Variants in LIPM observed in about 807,000 individuals in gnomAD.
The protein encoded by LIPM is lipase family member M, also known as lipase member M.
A neutral mutation model predicts 42.4 loss-of-function variants in LIPM; 42 were observed. That is an observed-to-expected ratio of 0.99 (90% confidence interval 0.77 to 1.28). The LOEUF is 1.28. Among genes scored for constraint, LIPM ranks in the 50% most tolerant of loss-of-function variants. The probability of loss-of-function intolerance (pLI) is 0.00; values close to 1 mark genes in which losing one functional copy is unlikely to be tolerated. For synonymous variants in LIPM, 177 were observed against 173.3 expected, an observed-to-expected ratio of 1.02 and a Z score of -0.17; for missense variants, 524 against 520.1, an observed-to-expected ratio of 1.01 and a Z score of -0.07.
intron 1 of LIPM, among the ~76,000 whole-genome samples, chr10:88,804,930 A>G (rs3858283): frequency 0.79 from 120,403 of 152,144 alleles, 48,725 homozygotes; most frequent in East Asian, 1. Flanking sequence ...TTACCGGCTC[A>G]CCCTTGAATT....
At position 88,816,840 on chromosome 10, in the gene LIPM, C is replaced by A. The variant is rs1843724013; in HGVS notation, c.883C>A (p.His295Asn). ...GAGCCGAGCAAGTGTATATGCTGCCCACACTCTTGCTGGAACATCTGTGCA... is the reference window on the plus strand; with the variant it reads ...GAGCCGAGCAAGTGTATATGCTGCCAACACTCTTGCTGGAACATCTGTGCA... Reference protein sequence around the residue: ...NMSRASVYAAHTLAGTSVQNI... With the variant: ...NMSRASVYAANTLAGTSVQNI... Residue 295 changes from histidine (H) to asparagine (N), a missense_variant, in exon 7 of 9, where the codon CAC becomes AAC. His to Asn is a moderately conservative substitution (Grantham distance 68). Transcript: ENST00000404743. 1.9e-6 allele frequency: 3 copies of A among 1,551,262 alleles called. No homozygotes were observed. In the East Asian group the frequency reaches 7.3e-5, roughly 38 times the overall value.
chr10:88,806,702 T>C, intron 1 of LIPM, among the ~76,000 whole-genome samples: 1 of 152,112 alleles, frequency 6.6e-6, no homozygotes, highest in East Asian at 1.9e-4. Flanking sequence ...TTTTTTTTCT[T>C]TGAGATGGAG....
chr10:88,813,906 A>G (rs1393701609), intron 3 of LIPM, among the ~76,000 whole-genome samples: 1 of 152,110 alleles, frequency 6.6e-6, no homozygotes, highest in Admixed American at 6.5e-5. Context: ...AGAACTCACT[A>G]TCACGAGAAC....
At chr10:88,804,713 T>C (rs932141184) in intron 1 of LIPM, among the ~76,000 whole-genome samples, 3 of 152,182 alleles carry the variant, frequency 2.0e-5, no homozygotes, top group Non-Finnish European at 2.9e-5. Context: ...TAGTACCCCT[T>C]TCCATGGCAA....
intron 1 of LIPM, among the ~76,000 whole-genome samples, chr10:88,806,819 G>C (rs1228748678): frequency 1.3e-5 from 2 of 152,064 alleles, no homozygotes; most frequent in Non-Finnish European, 2.9e-5. Context: ...CAAGTAGCTA[G>C]GACTATAGGC....
At chr10:88,808,572 C>A (rs570840989) in intron 2 of LIPM, among the ~76,000 whole-genome samples, 157 bp downstream of exon 2, 1 of 152,164 alleles carries the variant, frequency 6.6e-6, no homozygotes, top group Non-Finnish European at 1.5e-5. Flanking sequence ...GTCTCCATCA[C>A]CACCACCGTG....
At chr10:88,807,574 C>T (rs1005443494) in intron 1 of LIPM, among the ~76,000 whole-genome samples, 1 of 152,122 alleles carries the variant, frequency 6.6e-6, no homozygotes, top group Non-Finnish European at 1.5e-5. Context: ...ACCAGGGGTT[C>T]GTATGTAGGC....
rs1843543269 is a variant in LIPM at position 88,802,790 on chromosome 10, G to A, written c.-107G>A. ...CTAATTTGCTTCAGAATTGGAAGAG[G>A]GAATTGCAGCAGGAAAATATGTGAA... On this transcript the variant is annotated 5_prime_UTR_variant, in exon 1 of 9. Coordinates refer to ENST00000404743, the MANE Select transcript of LIPM (RefSeq NM_001128215.1). 1 of 1,173,262 alleles carries A rather than the reference G, an allele frequency of 8.5e-7. No homozygotes were observed. The highest frequency in any genetic ancestry group is 1.2e-6 in the Non-Finnish European group (1 of 846,722). The allele number at this position is 1,173,262 out of a possible 1,614,324, so 72.7% of individuals were successfully genotyped here.
chr10:88,820,482 G>C lies in LIPM; in HGVS notation c.1253G>C (p.Arg418Pro), dbSNP rs1442963658. The C allele has an allele frequency of 6.4e-7, 1 of 1,551,008 alleles. No homozygotes were observed. Among genetic ancestry groups the C allele is most frequent in the Admixed American group, 2.0e-5 (1 of 50,972 alleles). Residue 418 changes from arginine to proline, a missense_variant, in exon 9 of 9, where the codon CGG (arginine) becomes CCG (proline). Coordinates refer to ENST00000404743, the MANE Select transcript of LIPM (RefSeq NM_001128215.1). ...QQEETNLSQG[R>P]CEAVL Reference sequence around the variant, plus strand: ...GAGGAGACCAACCTTTCCCAGGGACGGTGTGAGGCCGTATTGTGAAGCATC... The same window carrying C: ...GAGGAGACCAACCTTTCCCAGGGACCGTGTGAGGCCGTATTGTGAAGCATC...
Position 88,814,516 on chromosome 10 carries a change from T to A in LIPM, c.465-14T>A, listed in dbSNP as rs1383659745. On this transcript the variant is annotated splice_polypyrimidine_tract_variant and intron_variant, in intron 3 of 8. Coordinates refer to ENST00000404743, the MANE Select transcript of LIPM (RefSeq NM_001128215.1). ...TTATAATTTTTCATATAACTTTGTC[T>A]TTTCCCCTTGTAGTTATGATGAGAT... 5.3e-6 allele frequency: 8 copies of A among 1,516,932 alleles called. No homozygotes were observed. The highest frequency in any genetic ancestry group is 7.2e-6 in the Non-Finnish European group (8 of 1,115,866). 94.0% of individuals were successfully genotyped at this position (1,516,932 alleles called of 1,614,324 possible). A position where few individuals can be genotyped will look rare whatever the true frequency, so the allele number is the denominator to read the frequency against.
At chr10:88,806,851 A>AT (rs973720086) in intron 1 of LIPM, among the ~76,000 whole-genome samples, 16 of 151,792 alleles carry the variant, frequency 1.1e-4, no homozygotes, top group African/African-American at 2.7e-4. Flanking sequence ...CGCCCGGCTA[A>AT]TTTTTTTTAT....
intron 4 of LIPM, 89 bp downstream of exon 4, chr10:88,814,728 C>A: frequency 1.1e-6 from 1 of 943,890 alleles, no homozygotes; most frequent in Non-Finnish European, 1.6e-6. Context: ...CCTTGTGCTT[C>A]CTTCAGACCT....
At chr10:88,819,448 A>G (rs1843760025) in intron 8 of LIPM, among the ~76,000 whole-genome samples, 1 of 152,228 alleles carries the variant, frequency 6.6e-6, no homozygotes, top group African/African-American at 2.4e-5. Context: ...AGCCACAAAG[A>G]GAAACCAGAG....
At chr10:88,817,713 C>A in intron 7 of LIPM, 112 bp from the exon 8 acceptor site, 1 of 676,106 alleles carries the variant, frequency 1.5e-6, no homozygotes, top group Non-Finnish European at 2.6e-6. Context: ...GCAGCTCAAC[C>A]ATTGCTCTCT....
intron 7 of LIPM, 55 bp from the exon 8 acceptor site, chr10:88,817,770 C>A: frequency 1.6e-6 from 2 of 1,245,326 alleles, no homozygotes; most frequent in Non-Finnish European, 2.3e-6. Context: ...CACCACCCCA[C>A]CACGCTTATC....
chr10:88,808,424 C>T lies in LIPM; in HGVS notation c.265+9C>T. 1 of 1,401,444 alleles carries T rather than the reference C, an allele frequency of 7.1e-7. No homozygotes were observed. The highest frequency in any genetic ancestry group is 9.9e-7 in the Non-Finnish European group (1 of 1,009,786). 86.8% of individuals were successfully genotyped at this position (1,401,444 alleles called of 1,614,324 possible). On this transcript the variant is annotated intron_variant, in intron 2 of 8. Coordinates refer to ENST00000404743, the MANE Select transcript of LIPM (RefSeq NM_001128215.1). ...GCAACCTAAGAAGACAGGTGTGGGT[C>T]ACCCCATGTCACCGCAACACAGCAG...
intron 8 of LIPM, 115 bp from the exon 9 acceptor site, chr10:88,820,117 C>T: frequency 3.7e-6 from 3 of 810,442 alleles, no homozygotes; most frequent in Non-Finnish European, 5.7e-6. Flanking sequence ...GGCTCTAACA[C>T]CCATGTACCC....
rs1166384591 is a variant in LIPM, at chr10:88,820,342, G to A, written c.1113G>A (p.Glu371=). Residue 371 remains glutamate (E), a synonymous_variant, in exon 9 of 9, where the codon GAG becomes GAA. Coordinates refer to ENST00000404743, the MANE Select transcript of LIPM (RefSeq NM_001128215.1). ...NPEDVKMLLS[E]VTNLIYHKNI... ...AAGACGTGAAAATGCTGCTCTCTGA[G>A]GTGACCAACCTCATCTACCATAAGA... The A allele has an allele frequency of 1.3e-6, 2 of 1,552,308 alleles. No individual in the cohort carries two copies. The highest frequency in any genetic ancestry group is 1.7e-6 in the Non-Finnish European group (2 of 1,147,138).
At chr10:88,806,843 C>T (rs983901509) in intron 1 of LIPM, among the ~76,000 whole-genome samples, 2 of 152,078 alleles carry the variant, frequency 1.3e-5, no homozygotes, top group Non-Finnish European at 2.9e-5. Flanking sequence ...CACCACCACG[C>T]CCGGCTAATT....
Sources: allele counts gnomAD v4.1 joint callset (sites outside exome capture counted in the v4.1 genomes callset), GRCh38; gene constraint gnomAD v4.1.1; transcripts MANE v1.5; gene names NCBI Gene and HGNC (gene_info 2026-07-23, HGNC 2026-07-21).